Variants in CATSPERG observed in about 807,000 individuals in gnomAD.
The protein encoded by CATSPERG is catsper channel auxiliary subunit gamma, also known as cation channel sperm-associated auxiliary subunit gamma.
Under a neutral mutation model 145.0 loss-of-function variants are expected in CATSPERG, and 115 were observed. The ratio of observed to expected loss-of-function variants is 0.79; its 90% CI spans 0.68 to 0.93. CATSPERG has a LOEUF of 0.93. Among genes scored for constraint, CATSPERG ranks in the 40% least tolerant of loss-of-function variants. The pLI is 0.00. For synonymous variants in CATSPERG, 588 were observed against 589.0 expected (o/e 1.00, Z 0.02); for missense variants, 1,296 against 1,490.1 (o/e 0.87, Z 2.14).
chr19:38,360,928 C>T (rs919574357), intron 16 of CATSPERG, 85 bp downstream of exon 16: 126 of 1,146,376 alleles, frequency 1.1e-4, no homozygotes, highest in Non-Finnish European at 1.5e-4. Context: ...GAGGGGAGAC[C>T]GAGCTAACCC....
At chr19:38,366,027 T>C (rs1970442687) in intron 22 of CATSPERG, 1 of 152,294 alleles carries the variant, frequency 6.6e-6, no homozygotes, top group Non-Finnish European at 1.5e-5. Flanking sequence ...CTTTTTGCAA[T>C]TGGCACAAAG....
chr19:38,348,477 GTT>G lies in CATSPERG; in HGVS notation c.825+1884_825+1885del, dbSNP rs113503852. On this transcript the variant is annotated intron_variant, in intron 7 of 28. Coordinates refer to ENST00000409235, the MANE Select transcript of CATSPERG (RefSeq NM_021185.5). ...TCCACAAACTTCGTTTTTTTTTTTT[GTT>G]TTTTTTTTTTTGAGATGGAATTTCA... Among the ~76,000 whole-genome samples, 648 of 118,168 alleles carry G rather than the reference GTT, an allele frequency of 5.5e-3. 8 individuals are homozygous for G. Among genetic ancestry groups the G allele is most frequent in the East Asian group, 0.042 (164 of 3,946 alleles). The allele number at this position is 118,168 out of a possible 152,430, so 77.5% of individuals were successfully genotyped here.
At chr19:38,363,997 G>T (rs1028765827) in intron 20 of CATSPERG, among the ~76,000 whole-genome samples, 7 of 152,262 alleles carry the variant, frequency 4.6e-5, no homozygotes, top group African/African-American at 1.7e-4. Context: ...CCCAGACGGG[G>T]TGGTGGCCGG....
intron 3 of CATSPERG, among the ~76,000 whole-genome samples, chr19:38,339,754 C>T (rs915256224): frequency 3.9e-5 from 6 of 152,070 alleles, no homozygotes; most frequent in Admixed American, 6.6e-5. Flanking sequence ...TTAGCTCTTA[C>T]ATTTAGGTCT....
At chr19:38,347,140 C>T (rs1970053691) in intron 7 of CATSPERG, among the ~76,000 whole-genome samples, 1 of 152,214 alleles carries the variant, frequency 6.6e-6, no homozygotes, top group East Asian at 1.9e-4. Flanking sequence ...GAGCCTGGGA[C>T]TTTGAGGCTG....
chr19:38,369,976 CTCTG>C lies in CATSPERG; in HGVS notation c.3030_3033del (p.Cys1010TrpfsTer25). 6.2e-7 allele frequency: 1 copy of C among 1,614,164 alleles called. No individual in the cohort carries two copies. Among genetic ancestry groups the C allele is most frequent in the Non-Finnish European group, 8.5e-7 (1 of 1,179,988 alleles). On this transcript the variant is annotated frameshift_variant, in exon 27 of 29. Coordinates refer to ENST00000409235, the MANE Select transcript of CATSPERG (RefSeq NM_021185.5). LOFTEE classifies it high-confidence loss of function. ...TGCCTGATCTTTGGCTTGCAGGTGG[CTCTG>C]TCTGGAGAATGCCCCATGCTATGAC...
At chr19:38,358,961 T>C (rs1214047520) in intron 13 of CATSPERG, among the ~76,000 whole-genome samples, 1 of 152,086 alleles carries the variant, frequency 6.6e-6, no homozygotes, top group Admixed American at 6.6e-5. Flanking sequence ...GCGATTCTCC[T>C]GCATCAGACT....
intron 22 of CATSPERG, 62 bp downstream of exon 22, chr19:38,365,179 CT>C: frequency 7.1e-7 from 1 of 1,403,316 alleles, no homozygotes; most frequent in South Asian, 1.2e-5. Context: ...CTCAACAGGG[CT>C]AATCCCCCTG....
Position 38,362,578 on chromosome 19 carries a change from T to A in CATSPERG, c.2356+4T>A. The A allele has an allele frequency of 6.2e-7, 1 of 1,613,054 alleles. No homozygotes were observed. Among genetic ancestry groups the A allele is most frequent in the Non-Finnish European group, 8.5e-7 (1 of 1,179,742 alleles). ...TTCCGGACGCAGTCAGAACTCGGTC[T>A]GCGCGGGACCAGAGTGGAGCCCGAA... is the stretch of plus-strand genomic sequence containing the variant. On this transcript the variant is annotated splice_donor_region_variant and intron_variant, in intron 19 of 28. Transcript: ENST00000409235.
Position 38,368,074 on chromosome 19 carries a change from G to A in CATSPERG, c.2957G>A (p.Arg986Lys). 1 of 1,614,148 alleles carries A rather than the reference G, an allele frequency of 6.2e-7. No individual in the cohort carries two copies. Among genetic ancestry groups the A allele is most frequent in the Non-Finnish European group, 8.5e-7 (1 of 1,180,032 alleles). ...ACCAACAGCCTTATCTGGACCACGA[G>A]GACCACAAGGACCACCAAAGACTCA... ...DKTNSLIWTT[R>K]TTRTTKDSAF... is the part of the protein sequence containing the mutation. The change falls in exon 26 of 29, where the codon AGG becomes AAG. Residue 986 changes from arginine to lysine, a missense_variant. Coordinates refer to ENST00000409235, the MANE Select transcript of CATSPERG (RefSeq NM_021185.5).
rs555114956 is a variant in CATSPERG, at chr19:38,341,902, C to T, written c.325-1678C>T. Among the ~76,000 whole-genome samples, 11 of 150,344 alleles carry T rather than the reference C, an allele frequency of 7.3e-5. No homozygotes were observed. In the South Asian group the frequency reaches 2.3e-3, roughly 32 times the overall value. ...GGGCAACAAGTGCAAAACTCCGTCT[C>T]GGAAAAAAAATAAAAAATAAAAAAA... On this transcript the variant is annotated intron_variant, in intron 3 of 28. Coordinates refer to ENST00000409235, the MANE Select transcript of CATSPERG (RefSeq NM_021185.5).
Position 38,370,163 on chromosome 19 carries a change from G to C in CATSPERG, c.3118G>C (p.Val1040Leu). The change falls in exon 28 of 29, where the codon GTG becomes CTG. Residue 1040 changes from valine (V) to leucine (L), a missense_variant. Physicochemically the swap from Val to Leu is conservative, Grantham distance 32. Coordinates refer to ENST00000409235, the MANE Select transcript of CATSPERG (RefSeq NM_021185.5). ...FFKVLVSNRG[V>L]DTSTYCNYQL... ...ATCCCCTCCCAACCCCTGCAGAGGA[G>C]TGGACACGAGCACCTACTGCAACTA... 1 of 1,613,896 alleles carries C rather than the reference G, an allele frequency of 6.2e-7. No individual in the cohort carries two copies. The highest frequency in any genetic ancestry group is 8.5e-7 in the Non-Finnish European group (1 of 1,180,010).
chr19:38,358,499 G>A lies in CATSPERG; in HGVS notation c.1434G>A (p.Lys478=), dbSNP rs1415985230. The A allele has an allele frequency of 5.0e-6, 8 of 1,614,204 alleles. 1 individual carries two copies. The South Asian group carries it at 8.8e-5, about 18-fold the overall frequency. The change falls in exon 13 of 29, where the codon AAG becomes AAA. Residue 478 remains lysine, a synonymous_variant. Transcript: ENST00000409235. ...ESYTSTAMAP[K]GIFCNPYNNL... is the part of the protein sequence containing the mutation. ...ACACCAGCACTGCAATGGCCCCCAA[G>A]GGCATCTTCTGTAACCCGTACAACA... is the stretch of plus-strand genomic sequence containing the variant.
intron 14 of CATSPERG, 167 bp downstream of exon 14, chr19:38,359,748 G>C: frequency 7.3e-7 from 1 of 1,369,086 alleles, no homozygotes; most frequent in Non-Finnish European, 9.5e-7. Context: ...GGAACTCAGG[G>C]TAAGTGTCAG....
chr19:38,365,317 G>C, intron 22 of CATSPERG, 200 bp downstream of exon 22: 1 of 583,364 alleles, frequency 1.7e-6, no homozygotes, highest in Non-Finnish European at 3.0e-6. Flanking sequence ...CACTCTTGTT[G>C]CCCAGGCTGG....
At chr19:38,367,107 C>A (rs770573904) in intron 22 of CATSPERG, 49 bp from the exon 23 acceptor site, 8 of 1,562,324 alleles carry the variant, frequency 5.1e-6, no homozygotes, top group African/African-American at 1.4e-5. Context: ...CCTCCAGGGG[C>A]CTGAGGAGAC....
intron 9 of CATSPERG, among the ~76,000 whole-genome samples, chr19:38,355,825 C>T (rs1030272536): frequency 5.3e-5 from 8 of 152,170 alleles, no homozygotes; most frequent in African/African-American, 1.9e-4. Flanking sequence ...CATCAGGACT[C>T]CATCTCTTGG....
At position 38,358,517 on chromosome 19, in the gene CATSPERG, G is replaced by A. The variant is rs147779129; in HGVS notation, c.1452G>A (p.Pro484=). The A allele has an allele frequency of 6.9e-5, 112 of 1,614,172 alleles. No individual in the cohort carries two copies. The highest frequency in any genetic ancestry group is 6.1e-4 in the South Asian group (56 of 91,080). ...CCCCCAAGGGCATCTTCTGTAACCCGTACAACAATCTGATCTTCATCTGGG... is the reference window on the plus strand; with the variant it reads ...CCCCCAAGGGCATCTTCTGTAACCCATACAACAATCTGATCTTCATCTGGG... The part of the protein sequence containing the change: ...AMAPKGIFCN[P]YNNLIFIWGN... The change falls in exon 13 of 29, where the codon CCG becomes CCA. Residue 484 remains proline, a synonymous_variant. Coordinates refer to ENST00000409235, the MANE Select transcript of CATSPERG (RefSeq NM_021185.5).
Position 38,360,903 on chromosome 19 carries a change from C to G in CATSPERG, c.1880+60C>G, listed in dbSNP as rs1970333620. On this transcript the variant is annotated intron_variant, in intron 16 of 28. Coordinates refer to ENST00000409235, the MANE Select transcript of CATSPERG (RefSeq NM_021185.5). ...GGCTCCCGGCACTGCCCTCCTGAAG[C>G]TACCATTCTTGAGAGAGGGGAGACC... The G allele has an allele frequency of 4.3e-6, 6 of 1,383,034 alleles. No individual in the cohort carries two copies. The African/African-American group carries it at 5.7e-5, about 13-fold the overall frequency. The allele number at this position is 1,383,034 out of a possible 1,614,324, so 85.7% of individuals were successfully genotyped here.
Sources: gnomAD v4.1 joint callset for allele counts (sites outside exome capture counted in the v4.1 genomes callset) on GRCh38, gnomAD v4.1.1 for gene constraint, MANE v1.5 for transcripts, NCBI Gene and HGNC (gene_info 2026-07-23, HGNC 2026-07-21) for gene names.